The following KCNQ5 variants were observed in gnomAD, a reference collection of about 807,000 sequenced individuals.
KCNQ5 encodes the protein potassium voltage-gated channel subfamily KQT member 5.
Under a neutral mutation model 98.2 loss-of-function variants are expected in KCNQ5, and 30 were observed. The observed-to-expected ratio is 0.31, with a 90% CI of 0.23 to 0.41. The LOEUF (loss-of-function observed/expected upper bound fraction) is 0.41. KCNQ5 is among the 10% of genes least tolerant of loss of function. The probability of loss-of-function intolerance (pLI) is 1.00; values close to 1 mark genes in which losing one functional copy is unlikely to be tolerated. For missense variants in KCNQ5, 835 were observed against 1,182.5 expected, an observed-to-expected ratio of 0.71 and a Z score of 4.31; for synonymous variants, 458 against 449.4, an observed-to-expected ratio of 1.02 and a Z score of -0.24.
chr6:73,069,157 C>T (rs1407330750), intron 3 of KCNQ5, among the ~76,000 whole-genome samples: 1 of 152,014 alleles, frequency 6.6e-6, no homozygotes, highest in Non-Finnish European at 1.5e-5. Flanking sequence ...AGGATAAATT[C>T]GTCTATGTGC....
At chr6:73,171,719 G>T (rs2150505629) in intron 11 of KCNQ5, among the ~76,000 whole-genome samples, 1 of 152,230 alleles carries the variant, frequency 6.6e-6, no homozygotes, top group East Asian at 1.9e-4. Flanking sequence ...GAACATTACT[G>T]GTCTAGAAGT....
intron 1 of KCNQ5, among the ~76,000 whole-genome samples, chr6:72,805,376 C>G (rs1197360794): frequency 1.3e-5 from 2 of 152,072 alleles, no homozygotes; most frequent in Non-Finnish European, 2.9e-5. Context: ...TTTCATTCTT[C>G]TGCATATGGA....
intron 3 of KCNQ5, among the ~76,000 whole-genome samples, chr6:73,066,505 TG>T (rs748559217): frequency 1.9e-4 from 29 of 152,324 alleles, no homozygotes; most frequent in Non-Finnish European, 3.2e-4. Flanking sequence ...ATTTGTCGAA[TG>T]AACTAATGAA....
intron 11 of KCNQ5, among the ~76,000 whole-genome samples, chr6:73,189,993 C>T (rs1287504069): frequency 7.8e-6 from 1 of 127,694 alleles, no homozygotes; most frequent in Admixed American, 8.0e-5. Flanking sequence ...GAGACCTCAT[C>T]TCAAAAAAAA....
intron 1 of KCNQ5, among the ~76,000 whole-genome samples, chr6:72,708,158 A>G: frequency 6.6e-6 from 1 of 152,182 alleles, no homozygotes; most frequent in East Asian, 1.9e-4. Context: ...GACCTCCTAC[A>G]ATAAGGTTTT....
At chr6:72,894,728 G>A (rs1252240338) in intron 1 of KCNQ5, among the ~76,000 whole-genome samples, 5 of 152,130 alleles carry the variant, frequency 3.3e-5, no homozygotes, top group African/African-American at 7.2e-5. Context: ...ATTCCTTTTA[G>A]AGGCTAAATA....
At chr6:72,627,428 A>G (rs895678243) in intron 1 of KCNQ5, among the ~76,000 whole-genome samples, 1 of 152,194 alleles carries the variant, frequency 6.6e-6, no homozygotes, top group Non-Finnish European at 1.5e-5. Context: ...GGGAGATCTT[A>G]TTTTCATGAA....
intron 1 of KCNQ5, among the ~76,000 whole-genome samples, chr6:72,975,787 G>A (rs879354808): frequency 1.3e-5 from 2 of 152,042 alleles, no homozygotes; most frequent in African/African-American, 2.4e-5. Flanking sequence ...CCCACTCCAC[G>A]GCCCTGTAGC....
intron 1 of KCNQ5, among the ~76,000 whole-genome samples, chr6:72,698,011 T>C (rs1256096112): frequency 6.6e-6 from 1 of 152,116 alleles, no homozygotes; most frequent in East Asian, 1.9e-4. Flanking sequence ...AGTCCACTAG[T>C]TCAATACCAG....
intron 10 of KCNQ5, among the ~76,000 whole-genome samples, chr6:73,139,335 T>G (rs905553552): frequency 2.0e-5 from 3 of 152,104 alleles, no homozygotes; most frequent in Admixed American, 2.0e-4. Flanking sequence ...TCGGCCAGAC[T>G]CCCCTAAAGC....
intron 1 of KCNQ5, among the ~76,000 whole-genome samples, chr6:72,829,188 C>T (rs1170695009): frequency 1.3e-5 from 2 of 152,062 alleles, no homozygotes; most frequent in African/African-American, 4.8e-5. Flanking sequence ...CAATATGTGT[C>T]CTGTTCTGCA....
intron 1 of KCNQ5, among the ~76,000 whole-genome samples, chr6:72,857,363 A>G (rs1408653822): frequency 1.3e-5 from 2 of 152,172 alleles, no homozygotes; most frequent in African/African-American, 4.8e-5. Context: ...CAGATCAATC[A>G]TAATTTTTTC....
In KCNQ5 at chr6:73,187,371, A is replaced by G. The variant is rs1765412819; in HGVS notation, c.1578-3202A>G. Among the ~76,000 whole-genome samples the G allele has an allele frequency of 2.0e-5, 3 of 152,138 alleles. No individual in the cohort carries two copies. In the South Asian group the frequency reaches 6.2e-4, roughly 32 times the overall value. ...ACCACGCCCGGCCTAATAACCACCA[A>G]AATTCTTAAAAGTAGTCAGTGCTTG... On this transcript the variant is annotated intron_variant, in intron 11 of 13. Transcript: ENST00000370398.
At chr6:73,168,317 G>C (rs1445287313) in intron 10 of KCNQ5, among the ~76,000 whole-genome samples, 2 of 152,178 alleles carry the variant, frequency 1.3e-5, no homozygotes, top group Admixed American at 6.5e-5. Flanking sequence ...TCATGACTTA[G>C]CAAATGAACA....
At chr6:72,869,163 TG>T (rs1658557391) in intron 1 of KCNQ5, among the ~76,000 whole-genome samples, 1 of 152,104 alleles carries the variant, frequency 6.6e-6, no homozygotes, top group African/African-American at 2.4e-5. Context: ...AAAGAAACAA[TG>T]TCAAGAGCCA....
At chr6:72,688,703 T>C (rs565652228) in intron 1 of KCNQ5, among the ~76,000 whole-genome samples, 1 of 152,354 alleles carries the variant, frequency 6.6e-6, no homozygotes, top group Admixed American at 6.5e-5. Context: ...AGACAGCATT[T>C]AATGTCATTC....
At chr6:72,797,579 A>G (rs570385425) in intron 1 of KCNQ5, among the ~76,000 whole-genome samples, 1 of 152,220 alleles carries the variant, frequency 6.6e-6, no homozygotes, top group African/African-American at 2.4e-5. Flanking sequence ...ACATGCTATC[A>G]GAGCTCAGCC....
rs200742907 is a variant in KCNQ5, at chr6:72,867,965, T to A, written c.399-135943T>A. Among the ~76,000 whole-genome samples, 212 of 150,738 alleles carry A rather than the reference T, an allele frequency of 1.4e-3. 7 individuals are homozygous for A. In the East Asian group the frequency reaches 0.033, roughly 23 times the overall value. On this transcript the variant is annotated intron_variant, in intron 1 of 13. Coordinates refer to ENST00000370398, the MANE Select transcript of KCNQ5 (RefSeq NM_019842.4). ...ATAATACTAATACTACTACTACTAC[T>A]ACTACTAATAATAATAATAATAATT...
chr6:72,779,042 C>T (rs563929406), intron 1 of KCNQ5, among the ~76,000 whole-genome samples: 1 of 152,274 alleles, frequency 6.6e-6, no homozygotes, highest in East Asian at 1.9e-4. Flanking sequence ...GAAGTTGAGA[C>T]TGCTTTTCCA....
Sources: allele counts gnomAD v4.1 joint callset (sites outside exome capture counted in the v4.1 genomes callset), GRCh38; gene constraint gnomAD v4.1.1; transcripts MANE v1.5; gene names NCBI Gene and HGNC (gene_info 2026-07-23, HGNC 2026-07-21).